Variants in NRIP1 observed in about 807,000 individuals in gnomAD.
NRIP1 encodes the protein nuclear receptor-interacting protein 1.
Under a neutral mutation model 75.0 loss-of-function variants are expected in NRIP1, and 28 were observed. The observed-to-expected ratio is 0.37, with a 90% CI of 0.28 to 0.51. The LOEUF (loss-of-function observed/expected upper bound fraction) is 0.51, where lower values mean the gene tolerates loss of function less well. Among genes scored for constraint, NRIP1 ranks in the 20% least tolerant of loss-of-function variants. NRIP1 has a pLI of 0.92. For missense variants in NRIP1, 1,435 were observed against 1,343.7 expected (o/e 1.07, Z -1.06); for synonymous variants, 526 against 487.6 (o/e 1.08, Z -1.04).
intron 3 of NRIP1, among the ~76,000 whole-genome samples, chr21:15,006,274 G>C (rs908418672): frequency 1.3e-5 from 2 of 152,146 alleles, no homozygotes; most frequent in Admixed American, 1.3e-4. Context: ...TGATGTTTTA[G>C]CATTACCAGT....
At chr21:14,976,444 C>CT (rs573902783) in intron 3 of NRIP1, among the ~76,000 whole-genome samples, 2 of 151,820 alleles carry the variant, frequency 1.3e-5, no homozygotes, top group Non-Finnish European at 2.9e-5. Flanking sequence ...GCTACATTTA[C>CT]TTTTTTTTAT....
chr21:15,034,071 AC>A (rs2088775997), intron 2 of NRIP1, among the ~76,000 whole-genome samples: 1 of 152,192 alleles, frequency 6.6e-6, no homozygotes, highest in African/African-American at 2.4e-5. Flanking sequence ...TTGCAAATTC[AC>A]CAAATCCCTT....
intron 3 of NRIP1, among the ~76,000 whole-genome samples, chr21:15,009,295 G>A (rs1229595217): frequency 6.7e-6 from 1 of 149,446 alleles, no homozygotes; most frequent in Non-Finnish European, 1.5e-5. Context: ...TACCATACAA[G>A]GAGTAACAAA....
intron 3 of NRIP1, among the ~76,000 whole-genome samples, chr21:14,982,797 T>G (rs944796340): frequency 2.0e-5 from 3 of 151,922 alleles, no homozygotes; most frequent in African/African-American, 4.8e-5. Flanking sequence ...CAACAGCATG[T>G]GCCCACTTTG....
chr21:14,965,257 G>A lies in NRIP1; in HGVS notation c.2936C>T (p.Ser979Phe). The A allele has an allele frequency of 1.2e-6, 2 of 1,613,996 alleles. No homozygotes were observed. Among genetic ancestry groups the A allele is most frequent in the African/African-American group, 2.7e-5 (2 of 75,036 alleles). The part of the protein sequence containing the change: ...VTNSKPEFSI[S>F]SLNGLMYSST... ...ACTGTACATCAGTCCATTTAAAGAA[G>A]AAATGCTAAATTCAGGTTTGCTGTT... The change falls in exon 4 of 4, where the codon TCT (serine) becomes TTT (phenylalanine). Residue 979 changes from serine to phenylalanine, a missense_variant. Ser to Phe is a radical substitution (Grantham distance 155). Transcript: ENST00000318948.
chr21:14,990,029 G>A (rs769784648), intron 3 of NRIP1, among the ~76,000 whole-genome samples: 1 of 151,998 alleles, frequency 6.6e-6, no homozygotes, highest in Non-Finnish European at 1.5e-5. Flanking sequence ...TTGTAAATTT[G>A]TAAATATGAC....
At chr21:15,037,930 ACTAT>A in intron 2 of NRIP1, among the ~76,000 whole-genome samples, 1 of 152,178 alleles carries the variant, frequency 6.6e-6, no homozygotes, top group Non-Finnish European at 1.5e-5. Flanking sequence ...TACTGCAGTA[ACTAT>A]CTAATAACTA....
intron 1 of NRIP1, among the ~76,000 whole-genome samples, chr21:15,053,672 C>A (rs1423810384): frequency 1.3e-5 from 2 of 152,280 alleles, no homozygotes; most frequent in East Asian, 3.9e-4. Context: ...CAGTAGAACA[C>A]AGTGCATAAA....
intron 3 of NRIP1, among the ~76,000 whole-genome samples, chr21:15,003,889 T>C (rs1045876144): frequency 6.6e-6 from 1 of 152,194 alleles, no homozygotes; most frequent in Non-Finnish European, 1.5e-5. Context: ...TAGAAATTAC[T>C]AGCAGGTGAG....
At chr21:14,999,326 A>G (rs887328300) in intron 3 of NRIP1, among the ~76,000 whole-genome samples, 2 of 152,068 alleles carry the variant, frequency 1.3e-5, no homozygotes, top group African/African-American at 4.8e-5. Context: ...ACCTTTCTTC[A>G]TAATACTAAA....
chr21:14,964,546 A>T lies in NRIP1; in HGVS notation c.*170T>A. 1 of 538,334 alleles carries T rather than the reference A, an allele frequency of 1.9e-6. No homozygotes were observed. The highest frequency in any genetic ancestry group is 3.1e-6 in the Non-Finnish European group (1 of 318,954). The allele number at this position is 538,334 out of a possible 1,614,324, so 33.3% of individuals were successfully genotyped here. A position where few individuals can be genotyped will look rare whatever the true frequency, so the allele number is the denominator to read the frequency against. ...TAGTTTCCTCATGACATCTAATGTTAAGCAAAAATTAGTATGCATATTTCA... is the reference window on the plus strand; with the variant it reads ...TAGTTTCCTCATGACATCTAATGTTTAGCAAAAATTAGTATGCATATTTCA... On this transcript the variant is annotated 3_prime_UTR_variant, in exon 4 of 4. Transcript: ENST00000318948.
rs947656494 is a variant in NRIP1 at position 15,043,503 on chromosome 21, T to C, written c.-466A>G. The C allele has an allele frequency of 6.6e-6, 1 of 152,252 alleles. No homozygotes were observed. Among genetic ancestry groups the C allele is most frequent in the Non-Finnish European group, 1.5e-5 (1 of 68,046 alleles). The allele number at this position is 152,252 out of a possible 1,614,324, so 9.4% of individuals were successfully genotyped here. On this transcript the variant is annotated 5_prime_UTR_variant, in exon 2 of 4. Transcript: ENST00000318948. ...GAGACAAAAGACAATACCTTCTGGCTGTGTTTCTCCCAAATGTTAAAATAA... is the reference window on the plus strand; with the variant it reads ...GAGACAAAAGACAATACCTTCTGGCCGTGTTTCTCCCAAATGTTAAAATAA...
At position 14,962,411 on chromosome 21, in the gene NRIP1, AAAAAC is replaced by A. The variant is rs918390308; in HGVS notation, c.*2300_*2304del. On this transcript the variant is annotated 3_prime_UTR_variant, in exon 4 of 4. Coordinates refer to ENST00000318948, the MANE Select transcript of NRIP1 (RefSeq NM_003489.4). Reference sequence around the variant, plus strand: ...ACAACGAAAACAACCAGCCAACCAAAAAAACAAAACAAAACCCACACACACACACA... The same window carrying A: ...ACAACGAAAACAACCAGCCAACCAAAAAAACAAAACCCACACACACACACA... 30 of 152,272 alleles carry A rather than the reference AAAAAC, an allele frequency of 2.0e-4. No individual in the cohort carries two copies. Among genetic ancestry groups the A allele is most frequent in the African/African-American group, 7.0e-4 (29 of 41,368 alleles). 9.4% of individuals were successfully genotyped at this position (152,272 alleles called of 1,614,324 possible).
At chr21:15,020,481 A>G (rs1386208154) in intron 2 of NRIP1, among the ~76,000 whole-genome samples, 1 of 152,230 alleles carries the variant, frequency 6.6e-6, no homozygotes, top group African/African-American at 2.4e-5. Context: ...AAATTAAAAC[A>G]CAACTTCTAG....
chr21:15,032,497 T>TA (rs35637698), intron 2 of NRIP1, among the ~76,000 whole-genome samples: 11,171 of 145,516 alleles, frequency 0.077, 596 homozygotes, highest in African/African-American at 0.15. Context: ...ATGATGGCTC[T>TA]AAAAAAAAAA....
intron 1 of NRIP1, among the ~76,000 whole-genome samples, chr21:15,046,534 G>A (rs2089079413): frequency 6.6e-6 from 1 of 152,076 alleles, no homozygotes; most frequent in Non-Finnish European, 1.5e-5. Context: ...AATTCTTAAG[G>A]GGCTTAGGAT....
At chr21:15,042,895 T>C (rs953692432) in intron 2 of NRIP1, among the ~76,000 whole-genome samples, 1 of 152,218 alleles carries the variant, frequency 6.6e-6, no homozygotes, top group Non-Finnish European at 1.5e-5. Flanking sequence ...TCCTTCCTAG[T>C]AATATGTCAC....
intron 3 of NRIP1, among the ~76,000 whole-genome samples, chr21:14,989,001 AGG>A (rs2087491202): frequency 6.6e-6 from 1 of 152,138 alleles, no homozygotes; most frequent in Admixed American, 6.5e-5. Flanking sequence ...TTCCAGCTTC[AGG>A]AGGGGCAAAG....
At chr21:15,002,771 T>C (rs2087878023) in intron 3 of NRIP1, among the ~76,000 whole-genome samples, 1 of 152,350 alleles carries the variant, frequency 6.6e-6, no homozygotes, top group East Asian at 1.9e-4. Context: ...ATTTCAGGTA[T>C]TAACATAGGG....
Sources: allele counts gnomAD v4.1 joint callset (sites outside exome capture counted in the v4.1 genomes callset), GRCh38; gene constraint gnomAD v4.1.1; transcripts MANE v1.5; gene names NCBI Gene and HGNC (gene_info 2026-07-23, HGNC 2026-07-21).